RASA3: variants seen among roughly 807,000 people sequenced by gnomAD.
The protein encoded by RASA3 is ras GTPase-activating protein 3.
RASA3 carries 73 observed loss-of-function variants against 110.0 expected under a neutral mutation model. That is an observed-to-expected ratio of 0.66 (90% CI 0.55 to 0.81). The LOEUF (loss-of-function observed/expected upper bound fraction) is 0.81. Ranked by LOEUF, RASA3 falls within the 30% of genes least tolerant of loss-of-function variation. The pLI, the probability that RASA3 is intolerant of heterozygous loss-of-function variation, is 0.00. For synonymous variants in RASA3, 500 were observed against 451.4 expected (o/e 1.11, Z -1.37); for missense variants, 976 against 1,113.2 (o/e 0.88, Z 1.75).
At chr13:114,031,803 G>A (rs1008056569) in intron 4 of RASA3, among the ~76,000 whole-genome samples, 1 of 152,232 alleles carries the variant, frequency 6.6e-6, no homozygotes, top group Non-Finnish European at 1.5e-5. Context: ...GAAGGCCAAG[G>A]CGTGTTCCCC....
At chr13:114,071,644 C>T (rs1300304914) in intron 2 of RASA3, among the ~76,000 whole-genome samples, 1 of 152,176 alleles carries the variant, frequency 6.6e-6, no homozygotes, top group Non-Finnish European at 1.5e-5. Flanking sequence ...CCTGACAATG[C>T]CCCTCAGCCT....
intron 22 of RASA3, among the ~76,000 whole-genome samples, chr13:113,991,956 C>T (rs1051687885): frequency 9.2e-4 from 140 of 151,882 alleles, no homozygotes; most frequent in Middle Eastern, 3.2e-3. Flanking sequence ...CACACACTCA[C>T]ACACGTCCAT....
chr13:113,990,054 G>A (rs922784221), intron 22 of RASA3, among the ~76,000 whole-genome samples: 2 of 152,092 alleles, frequency 1.3e-5, no homozygotes, highest in African/African-American at 4.8e-5. Context: ...CTGGTTGTTT[G>A]GACGTGTGTG....
chr13:114,027,813 C>CCAGAA, intron 6 of RASA3, 34 bp downstream of exon 6: 1 of 1,599,702 alleles, frequency 6.3e-7, no homozygotes, highest in South Asian at 1.1e-5. Flanking sequence ...CCCCCCAGGA[C>CCAGAA]CAGAACAGAA....
intron 1 of RASA3, among the ~76,000 whole-genome samples, chr13:114,079,482 C>A (rs1261522149): frequency 3.3e-5 from 5 of 152,214 alleles, no homozygotes; most frequent in Admixed American, 3.3e-4. Flanking sequence ...AAAAATTTTG[C>A]TAGGCACACA....
chr13:114,036,664 A>G (rs1346833444), intron 4 of RASA3, among the ~76,000 whole-genome samples: 2 of 152,082 alleles, frequency 1.3e-5, no homozygotes, highest in African/African-American at 4.8e-5. Flanking sequence ...CAACCTCCGG[A>G]GTAGCTGGGA....
intron 9 of RASA3, among the ~76,000 whole-genome samples, chr13:114,020,590 C>T (rs7997959): frequency 0.32 from 48,791 of 152,168 alleles, 7,961 homozygotes; most frequent in East Asian, 0.41. Flanking sequence ...GTGCACGCTT[C>T]CCGTGACTCC....
intron 3 of RASA3, among the ~76,000 whole-genome samples, chr13:114,046,083 G>A (rs1395460453): frequency 6.6e-6 from 1 of 152,210 alleles, no homozygotes; most frequent in Non-Finnish European, 1.5e-5. Flanking sequence ...TCATTCAAAA[G>A]TATATATGGC....
In RASA3 at chr13:113,979,437, G is replaced by T; in HGVS notation, c.2430-15C>A. The T allele has an allele frequency of 6.4e-7, 1 of 1,574,488 alleles. No individual in the cohort carries two copies. The highest frequency in any genetic ancestry group is 8.7e-7 in the Non-Finnish European group (1 of 1,144,314). ...TGGGGTGCTCCCTGAAAAGGGGGAT[G>T]GGAGAGGGAATGAGGCACAGACCCC... is the stretch of plus-strand genomic sequence containing the variant. On this transcript the variant is annotated splice_polypyrimidine_tract_variant and intron_variant, in intron 23 of 23. Coordinates refer to ENST00000334062, the MANE Select transcript of RASA3 (RefSeq NM_007368.4).
chr13:114,122,294 C>G (rs375992691), intron 1 of RASA3, among the ~76,000 whole-genome samples: 5 of 152,362 alleles, frequency 3.3e-5, no homozygotes, highest in African/African-American at 1.2e-4. Flanking sequence ...TCCCAAAGCC[C>G]ATGGGAAAAC....
Position 114,073,774 on chromosome 13 carries a change from A to G in RASA3, c.119T>C (p.Val40Ala), listed in dbSNP as rs2079619684. The stretch of plus-strand genomic sequence containing the variant: ...GAAAACCTCCTCCTGGTCCAGGTTC[A>G]CCGTGCAGTAGCAATCCCTCATCTT... The part of the protein sequence containing the change: ...PSKMRDCYCT[V>A]NLDQEEVFRT... The change falls in exon 2 of 24, where the codon GTG (valine) becomes GCG (alanine). Residue 40 changes from valine to alanine, a missense_variant. This residue lies in a region of RASA3 where 732 missense variants were observed against 779.7 expected (regional missense o/e 0.94). Transcript: ENST00000334062. 1 of 1,614,096 alleles carries G rather than the reference A, an allele frequency of 6.2e-7. No individual in the cohort carries two copies. The highest frequency in any genetic ancestry group is 1.1e-5 in the South Asian group (1 of 91,088).
chr13:114,020,749 G>C (rs1298270328), intron 9 of RASA3, among the ~76,000 whole-genome samples: 1 of 152,222 alleles, frequency 6.6e-6, no homozygotes, highest in Non-Finnish European at 1.5e-5. Context: ...CATGTCCTGG[G>C]GTGGGTTCTG....
chr13:114,132,413 G>T, intron 1 of RASA3, 22 bp downstream of exon 1: 1 of 1,510,706 alleles, frequency 6.6e-7, no homozygotes, highest in East Asian at 2.8e-5. Flanking sequence ...GGTCGGACGC[G>T]TGGCTGCCGG....
In RASA3 at chr13:113,996,718, C is replaced by T; in HGVS notation, c.1954G>A (p.Glu652Lys). The change falls in exon 21 of 24, where the codon GAG becomes AAG. Residue 652 changes from glutamate (E) to lysine (K), a missense_variant. Transcript: ENST00000334062. ...TTGGCCTGGATGTACAGCGCACGCT[C>T]TGGCTGGATGACCTGGAACATCTGA... Reference protein sequence around the residue: ...MKNMFQVIQPERALYIQANNC... With the variant: ...MKNMFQVIQPKRALYIQANNC... The T allele has an allele frequency of 6.2e-7, 1 of 1,613,738 alleles. No homozygotes were observed. The highest frequency in any genetic ancestry group is 8.5e-7 in the Non-Finnish European group (1 of 1,180,004).
intron 1 of RASA3, among the ~76,000 whole-genome samples, chr13:114,080,666 G>GCTGAAACCGGGGTCTCCCCCAGGGGCCA (rs71105237): frequency 1.5e-5 from 2 of 135,230 alleles, no homozygotes; most frequent in Non-Finnish European, 3.3e-5. Flanking sequence ...CCCGACAACG[G>GCTGAAACCGGGGTCTCCCCCAGGGGCCA]CTGAAACAGG....
At chr13:114,012,320 C>T (rs571084299) in intron 15 of RASA3, among the ~76,000 whole-genome samples, 2 of 151,468 alleles carry the variant, frequency 1.3e-5, no homozygotes, top group East Asian at 1.9e-4. Context: ...GCACTCCCCA[C>T]GCACCGTCCA....
Position 114,027,869 on chromosome 13 carries a change from C to G in RASA3, c.508G>C (p.Val170Leu). The change falls in exon 6 of 24, where the codon GTG (valine) becomes CTG (leucine). Residue 170 changes from valine (V) to leucine (L), a missense_variant. This residue lies in a region of RASA3 where 732 missense variants were observed against 779.7 expected (regional missense o/e 0.94). Transcript: ENST00000334062. ...TGCCTGAAGGGTCCTGCCAGCGTCA[C>G]GGTGGCGTAGGGGTCACATTGCCCA... Reference protein sequence around the residue: ...VNGQCDPYATVTLAGPFRSEA... With the variant: ...VNGQCDPYATLTLAGPFRSEA... 7 of 1,613,970 alleles carry G rather than the reference C, an allele frequency of 4.3e-6. No homozygotes were observed. Among genetic ancestry groups the G allele is most frequent in the Non-Finnish European group, 5.9e-6 (7 of 1,180,008 alleles).
In RASA3 at chr13:114,066,494, C is replaced by T. The variant is rs564350668; in HGVS notation, c.173+7226G>A. Among the ~76,000 whole-genome samples the T allele has an allele frequency of 2.5e-4, 38 of 152,268 alleles. 1 individual carries two copies. The South Asian group carries it at 6.4e-3, about 26-fold the overall frequency. ...CATGGGATCCTCGGTGCGGCCCCCTCGTGACAGGCCCAGCCTCTCCCTGCA... is the reference window on the plus strand; with the variant it reads ...CATGGGATCCTCGGTGCGGCCCCCTTGTGACAGGCCCAGCCTCTCCCTGCA... On this transcript the variant is annotated intron_variant, in intron 2 of 23. Transcript: ENST00000334062.
chr13:114,046,149 C>T (rs767509187), intron 3 of RASA3, among the ~76,000 whole-genome samples: 2 of 152,238 alleles, frequency 1.3e-5, no homozygotes, highest in African/African-American at 2.4e-5. Context: ...GATGATCTTA[C>T]ACTACAATGT....
Sources: allele counts gnomAD v4.1 joint callset (sites outside exome capture counted in the v4.1 genomes callset), GRCh38; gene constraint gnomAD v4.1.1; regional missense constraint gnomAD v4.1.1; transcripts MANE v1.5; gene names NCBI Gene and HGNC (gene_info 2026-07-23, HGNC 2026-07-21).